Variants in SYNM observed in about 807,000 individuals in gnomAD.
The protein encoded by SYNM is synemin.
SYNM carries 95 observed loss-of-function variants against 104.0 expected under a neutral mutation model. That is an observed-to-expected ratio of 0.91 (90% CI 0.77 to 1.08). The LOEUF is 1.08. Ranked by LOEUF, SYNM falls within the 50% of genes least tolerant of loss-of-function variation. SYNM has a pLI of 0.00. For synonymous variants in SYNM, 918 were observed against 869.0 expected, an observed-to-expected ratio of 1.06 and a Z score of -0.99; for missense variants, 2,150 against 2,052.2, an observed-to-expected ratio of 1.05 and a Z score of -0.92.
intron 1 of SYNM, among the ~76,000 whole-genome samples, chr15:99,111,565 A>C (rs2067299981): frequency 6.6e-6 from 1 of 152,198 alleles, no homozygotes; most frequent in Non-Finnish European, 1.5e-5. Context: ...GGGATCTGTT[A>C]TCGTTTTTCC....
chr15:99,130,274 A>G lies in SYNM; in HGVS notation c.1914A>G (p.Val638=), dbSNP rs2067487559. 5 of 1,613,916 alleles carry G rather than the reference A, an allele frequency of 3.1e-6. No individual in the cohort carries two copies. The highest frequency in any genetic ancestry group is 4.2e-6 in the Non-Finnish European group (5 of 1,179,904). The stretch of plus-strand genomic sequence containing the variant: ...AAGGCGATTCCATGACAGAAACCGT[A>G]GCAGAAAACATCGTTACCAGTATCC... The part of the protein sequence containing the change: ...SLQGDSMTET[V]AENIVTSILK... Residue 638 remains valine, a synonymous_variant, in exon 4 of 4, where the codon GTA becomes GTG. Transcript: ENST00000336292.
At position 99,105,479 on chromosome 15, in the gene SYNM, G is replaced by T. The variant is rs1203685288; in HGVS notation, c.280G>T (p.Glu94Ter). 1.7e-5 allele frequency: 23 copies of T among 1,371,356 alleles called. No homozygotes were observed. The highest frequency in any genetic ancestry group is 1.7e-5 in the Non-Finnish European group (18 of 1,065,962). The allele number at this position is 1,371,356 out of a possible 1,614,324, so 84.9% of individuals were successfully genotyped here. The change falls in exon 1 of 4, where the codon GAG becomes TAG. Residue 94 changes from glutamate to a stop codon, truncating the protein, a stop_gained. Coordinates refer to ENST00000336292, the MANE Select transcript of SYNM (RefSeq NM_145728.3). LOFTEE classifies it high-confidence loss of function. ...ERDALRRELR[E>*]LQRLDAEERA... The stretch of plus-strand genomic sequence containing the variant: ...GGACGCTCTGCGGCGCGAGCTGCGG[G>T]AGCTGCAGCGCCTGGATGCGGAGGA...
intron 2 of SYNM, among the ~76,000 whole-genome samples, chr15:99,124,512 T>G (rs1555484862): frequency 6.6e-6 from 1 of 152,238 alleles, no homozygotes. Context: ...CAGGAGCTTC[T>G]TACTTATAGG....
intron 2 of SYNM, among the ~76,000 whole-genome samples, chr15:99,119,228 G>A (rs906762): frequency 4.0e-4 from 61 of 151,812 alleles, no homozygotes; most frequent in Non-Finnish European, 7.8e-4. Context: ...AACCTCCCTG[G>A]ATGATTGTCA....
At chr15:99,128,375 A>C (rs1316051899) in intron 3 of SYNM, among the ~76,000 whole-genome samples, 4 of 152,200 alleles carry the variant, frequency 2.6e-5, no homozygotes, top group African/African-American at 9.6e-5. Context: ...TCCCTGCACT[A>C]TTGCCTGGGG....
chr15:99,105,372 C>A lies in SYNM; in HGVS notation c.173C>A (p.Ala58Asp), dbSNP rs1367107502. Reference protein sequence around the residue: ...GREGLWAEGQARCAEEARSLR... With the variant: ...GREGLWAEGQDRCAEEARSLR... ...GAGGGCCTGTGGGCCGAGGGGCAGGCCCGCTGCGCCGAGGAGGCGCGCAGC... is the reference window on the plus strand; with the variant it reads ...GAGGGCCTGTGGGCCGAGGGGCAGGACCGCTGCGCCGAGGAGGCGCGCAGC... Residue 58 changes from alanine (A) to aspartate (D), a missense_variant, in exon 1 of 4, where the codon GCC becomes GAC. Transcript: ENST00000336292. 2.0e-6 allele frequency: 3 copies of A among 1,523,116 alleles called. No homozygotes were observed. In the African/African-American group the frequency reaches 4.2e-5, roughly 22 times the overall value. The allele number at this position is 1,523,116 out of a possible 1,614,324, so 94.4% of individuals were successfully genotyped here.
intron 2 of SYNM, among the ~76,000 whole-genome samples, chr15:99,119,526 C>T (rs561317110): frequency 9.9e-5 from 15 of 152,280 alleles, no homozygotes; most frequent in South Asian, 2.1e-4. Flanking sequence ...CAGTGGGAGG[C>T]GGGGCTTGCA....
intron 1 of SYNM, among the ~76,000 whole-genome samples, chr15:99,109,196 G>A (rs1209817607): frequency 1.3e-5 from 2 of 152,182 alleles, no homozygotes; most frequent in Non-Finnish European, 2.9e-5. Context: ...GTAGTCATTG[G>A]CCTGCCCCAG....
downstream of SYNM, chr15:99,139,673 A>C (rs2067993532): frequency 7.1e-7 from 1 of 1,408,514 alleles, no homozygotes; most frequent in African/African-American, 1.5e-5. Context: ...TTTAAAAATA[A>C]AGGCAAGAAC....
At position 99,134,298 on chromosome 15, in the gene SYNM, G is replaced by T. The variant is rs1423338390; in HGVS notation, c.*1240G>T. ...AGGACGGGCCTGGGGGGCGAGAAAG[G>T]CCCCCATGCTCATGGGCCGCGGAGT... On this transcript the variant is annotated 3_prime_UTR_variant, in exon 4 of 4. Transcript: ENST00000336292. The T allele has an allele frequency of 6.6e-6, 1 of 151,206 alleles. No homozygotes were observed. The highest frequency in any genetic ancestry group is 1.5e-5 in the Non-Finnish European group (1 of 67,868). The allele number at this position is 151,206 out of a possible 1,614,324, so 9.4% of individuals were successfully genotyped here.
At chr15:99,118,005 C>A (rs1555484127) in intron 2 of SYNM, among the ~76,000 whole-genome samples, 3 of 152,222 alleles carry the variant, frequency 2.0e-5, no homozygotes. Flanking sequence ...TTTCTGCTGT[C>A]CAAGTTTGCA....
chr15:99,128,802 G>A (rs1360367689), intron 3 of SYNM: 2 of 155,422 alleles, frequency 1.3e-5, no homozygotes, highest in Non-Finnish European at 2.9e-5. Context: ...TTTCAGATAA[G>A]TGTTAAATGT....
At chr15:99,139,624 G>A, downstream of SYNM, 1 of 1,517,676 alleles carries the variant, frequency 6.6e-7, no homozygotes, top group Non-Finnish European at 8.9e-7. Context: ...AACTCTCTGT[G>A]ACTATCTGTA....
At chr15:99,117,431 A>T (rs888717328) in intron 2 of SYNM, among the ~76,000 whole-genome samples, 1 of 152,188 alleles carries the variant, frequency 6.6e-6, no homozygotes, top group Non-Finnish European at 1.5e-5. Flanking sequence ...ATGGACTGAG[A>T]CTGGGGTGGT....
intron 1 of SYNM, among the ~76,000 whole-genome samples, chr15:99,113,058 G>A (rs2067314608): frequency 6.6e-6 from 1 of 152,208 alleles, no homozygotes; most frequent in Admixed American, 6.5e-5. Context: ...TTTATGCCCA[G>A]AATGCATTTC....
At chr15:99,107,962 G>A (rs1404375652) in intron 1 of SYNM, among the ~76,000 whole-genome samples, 2 of 55,112 alleles carry the variant, frequency 3.6e-5, no homozygotes, top group Non-Finnish European at 6.5e-5. Context: ...TTTTTTTTTT[G>A]GTTTTGGTTT....
At chr15:99,114,001 GT>G (rs1555483662) in intron 2 of SYNM, among the ~76,000 whole-genome samples, 3 of 142,376 alleles carry the variant, frequency 2.1e-5, no homozygotes, top group African/African-American at 7.8e-5. Context: ...CTTCACACAT[GT>G]CAACGTGTTG....
chr15:99,131,152 A>G lies in SYNM; in HGVS notation c.2792A>G (p.His931Arg). The G allele has an allele frequency of 6.2e-7, 1 of 1,601,828 alleles. No individual in the cohort carries two copies. Among genetic ancestry groups the G allele is most frequent in the Non-Finnish European group, 8.5e-7 (1 of 1,174,114 alleles). ...TVIEKEIKIPHEFHTSMKGIS... is the reference protein window; with the variant it reads ...TVIEKEIKIPREFHTSMKGIS... ...ATTGAAAAAGAAATTAAAATACCCCACGAATTCCACACCTCCATGAAGGGC... is the reference window on the plus strand; with the variant it reads ...ATTGAAAAAGAAATTAAAATACCCCGCGAATTCCACACCTCCATGAAGGGC... The change falls in exon 4 of 4, where the codon CAC becomes CGC. Residue 931 changes from histidine (H) to arginine (R), a missense_variant. Physicochemically the swap from His to Arg is conservative, Grantham distance 29 (BLOSUM62 0). Transcript: ENST00000336292. The surrounding 1 kb of genome is among the most constrained non-coding windows in gnomAD (Gnocchi z 4.3).
intron 2 of SYNM, among the ~76,000 whole-genome samples, chr15:99,124,087 T>A (rs983768363): frequency 6.6e-6 from 1 of 152,222 alleles, no homozygotes; most frequent in African/African-American, 2.4e-5. Context: ...CTGTGTGAAA[T>A]GCCCACAATA....
Sources: gnomAD v4.1 joint callset for allele counts (sites outside exome capture counted in the v4.1 genomes callset) on GRCh38, gnomAD v4.1.1 for gene constraint, Gnocchi (gnomAD v3.1) non-coding constraint, MANE v1.5 for transcripts, NCBI Gene and HGNC (gene_info 2026-07-23, HGNC 2026-07-21) for gene names.